NTM: variants seen among roughly 807,000 people sequenced by gnomAD.
NTM encodes the protein IgLON family member 2.
NTM carries 13 observed loss-of-function variants against 42.1 expected under a neutral mutation model. The observed-to-expected ratio is 0.31, with a 90% CI of 0.20 to 0.49. NTM has a LOEUF of 0.49. NTM is among the 20% of genes least tolerant of loss of function. The probability of loss-of-function intolerance (pLI) is 0.99; values close to 1 mark genes in which losing one functional copy is unlikely to be tolerated. For missense variants in NTM, 373 were observed against 452.8 expected (o/e 0.82, Z 1.60); for synonymous variants, 187 against 179.2 (o/e 1.04, Z -0.35).
chr11:131,497,276 C>T (rs1955448770), intron 1 of NTM, among the ~76,000 whole-genome samples: 1 of 152,142 alleles, frequency 6.6e-6, no homozygotes, highest in African/African-American at 2.4e-5. Flanking sequence ...GCATCCTCTG[C>T]CTCCCAGGTT....
chr11:132,107,240 C>T (rs920508049), intron 2 of NTM, among the ~76,000 whole-genome samples: 1 of 150,410 alleles, frequency 6.6e-6, no homozygotes, highest in Admixed American at 6.7e-5. Flanking sequence ...TTTCACACAA[C>T]ACAAAACTAA....
At chr11:131,797,427 A>G (rs1248417072) in intron 1 of NTM, among the ~76,000 whole-genome samples, 3 of 152,184 alleles carry the variant, frequency 2.0e-5, no homozygotes, top group African/African-American at 7.2e-5. Context: ...GTGGACAAAG[A>G]GCATTTGAGT....
At chr11:132,089,456 C>A (rs568951304) in intron 2 of NTM, among the ~76,000 whole-genome samples, 1 of 152,144 alleles carries the variant, frequency 6.6e-6, no homozygotes, top group African/African-American at 2.4e-5. Context: ...AAAGCTTGCT[C>A]AATATTAATG....
chr11:132,256,658 G>A (rs1566593217), intron 4 of NTM, among the ~76,000 whole-genome samples: 2 of 150,728 alleles, frequency 1.3e-5, no homozygotes, highest in South Asian at 2.1e-4. Flanking sequence ...TTTCCCCTGG[G>A]CTTGTGTGGA....
At chr11:132,317,658 T>G (rs1414314042) in intron 7 of NTM, 15 of 1,303,502 alleles carry the variant, frequency 1.2e-5, no homozygotes, top group Non-Finnish European at 1.5e-5. Flanking sequence ...GATTTAGAAC[T>G]AAATGAGCCT....
intron 2 of NTM, among the ~76,000 whole-genome samples, chr11:132,091,035 T>A (rs12282827): frequency 2.0e-5 from 3 of 152,312 alleles, no homozygotes; most frequent in Middle Eastern, 6.8e-3. Flanking sequence ...TCTTTCTTAC[T>A]CAAGAGGATT....
intron 1 of NTM, among the ~76,000 whole-genome samples, chr11:131,479,518 GA>G (rs1189364971): frequency 6.6e-6 from 1 of 152,118 alleles, no homozygotes; most frequent in Non-Finnish European, 1.5e-5. Context: ...GGAAGGAAGA[GA>G]AAAAGGAGGC....
intron 1 of NTM, among the ~76,000 whole-genome samples, chr11:131,666,528 C>A (rs915736701): frequency 6.6e-6 from 1 of 152,160 alleles, no homozygotes; most frequent in Non-Finnish European, 1.5e-5. Context: ...ATGCCTACAA[C>A]CACCCCTCAC....
intron 1 of NTM, among the ~76,000 whole-genome samples, chr11:131,684,360 C>A (rs2073506104): frequency 2.0e-5 from 3 of 152,198 alleles, no homozygotes; most frequent in Admixed American, 1.3e-4. Context: ...ACCCCCTCCC[C>A]ACCTGGAAAC....
intron 1 of NTM, among the ~76,000 whole-genome samples, chr11:131,778,541 T>C (rs1425130328): frequency 6.6e-6 from 1 of 152,224 alleles, no homozygotes; most frequent in South Asian, 2.1e-4. Context: ...ATCACTTTAG[T>C]AGTCATCAGG....
chr11:132,261,413 G>C (rs1305815033), intron 4 of NTM, among the ~76,000 whole-genome samples: 1 of 152,182 alleles, frequency 6.6e-6, no homozygotes, highest in East Asian at 1.9e-4. Context: ...CAGACGCACG[G>C]CTCACAGCAC....
intron 4 of NTM, among the ~76,000 whole-genome samples, chr11:132,265,134 C>G (rs12792001): frequency 0.29 from 43,810 of 152,014 alleles, 6,592 homozygotes; most frequent in African/African-American, 0.34. Context: ...TCACTTTTCT[C>G]GTAGTATTGT....
chr11:132,334,984 A>G (rs1379026244), intron 8 of NTM, 62 bp from the exon 9 acceptor site: 27 of 1,583,466 alleles, frequency 1.7e-5, no homozygotes, highest in Admixed American at 3.4e-5. Context: ...AGACCAGGCA[A>G]CCACCGGGCT....
chr11:132,218,192 G>A (rs971407056), intron 4 of NTM, among the ~76,000 whole-genome samples: 1 of 152,172 alleles, frequency 6.6e-6, no homozygotes, highest in African/African-American at 2.4e-5. Context: ...AAGAGGAGCT[G>A]GGGAGGGGAG....
chr11:132,060,249 T>G (rs1594220783), intron 2 of NTM, among the ~76,000 whole-genome samples: 1 of 152,376 alleles, frequency 6.6e-6, no homozygotes, highest in Non-Finnish European at 1.5e-5. Flanking sequence ...CTTAAGTGTC[T>G]TATTACAAGT....
chr11:131,874,766 A>G (rs1292709752), intron 1 of NTM, among the ~76,000 whole-genome samples: 1 of 152,238 alleles, frequency 6.6e-6, no homozygotes, highest in Non-Finnish European at 1.5e-5. Flanking sequence ...AAGATTAATC[A>G]GGGCTGTATT....
rs114987980 is a variant in NTM, at chr11:131,687,289, G to T, written c.83-224275G>T. The stretch of plus-strand genomic sequence containing the variant: ...TGACAGCCATTTGCACCCTCCCAGC[G>T]CCCCTCCCACCCCAGTTGCTTGAAT... On this transcript the variant is annotated intron_variant, in intron 1 of 8. Transcript: ENST00000683400. Among the ~76,000 whole-genome samples, 563 of 152,232 alleles carry T rather than the reference G, an allele frequency of 3.7e-3. 8 individuals are homozygous for T. Among genetic ancestry groups the T allele is most frequent in the African/African-American group, 0.013 (525 of 41,570 alleles).
At chr11:132,134,299 C>A (rs566489682) in intron 2 of NTM, among the ~76,000 whole-genome samples, 5 of 152,108 alleles carry the variant, frequency 3.3e-5, no homozygotes, top group African/African-American at 1.2e-4. Flanking sequence ...TTCAGCTGAT[C>A]TTTTGTTTGT....
intron 1 of NTM, among the ~76,000 whole-genome samples, chr11:131,399,240 A>G (rs938880492): frequency 2.0e-5 from 3 of 152,166 alleles, no homozygotes; most frequent in Admixed American, 6.5e-5. Flanking sequence ...GTCCATAGTT[A>G]TCTCCCTTTG....
Sources: allele counts gnomAD v4.1 joint callset (sites outside exome capture counted in the v4.1 genomes callset), GRCh38; gene constraint gnomAD v4.1.1; transcripts MANE v1.5; gene names NCBI Gene and HGNC (gene_info 2026-07-23, HGNC 2026-07-21).